The following HCN1 variants were observed in gnomAD, a reference collection of about 807,000 sequenced individuals.
The protein encoded by HCN1 is potassium/sodium hyperpolarization-activated cyclic nucleotide-gated channel 1.
In HCN1, 13 loss-of-function variants were observed where a neutral mutation model predicts 78.9. The ratio of observed to expected loss-of-function variants is 0.16; its 90% CI spans 0.11 to 0.26. The LOEUF is 0.26. HCN1 is among the 10% of genes least tolerant of loss of function. The pLI is 1.00. For synonymous variants in HCN1, 552 were observed against 455.5 expected (o/e 1.21, Z -2.70); for missense variants, 810 against 1,154.3 (o/e 0.70, Z 4.32).
chr5:45,377,294 ATACT>A (rs1747702390), intron 4 of HCN1, among the ~76,000 whole-genome samples: 1 of 152,064 alleles, frequency 6.6e-6, no homozygotes, highest in Non-Finnish European at 1.5e-5. Flanking sequence ...AGATTTCAAG[ATACT>A]TAATAAAATT....
intron 2 of HCN1, among the ~76,000 whole-genome samples, chr5:45,586,014 C>A (rs985446285): frequency 6.6e-6 from 1 of 152,170 alleles, no homozygotes; most frequent in African/African-American, 2.4e-5. Flanking sequence ...CTCAGATCTT[C>A]AGCTGCATGC....
intron 6 of HCN1, among the ~76,000 whole-genome samples, chr5:45,283,170 T>C (rs561135573): frequency 6.6e-6 from 1 of 152,264 alleles, no homozygotes; most frequent in Non-Finnish European, 1.5e-5. Flanking sequence ...GTATTTTCTA[T>C]CTTTAATCTT....
chr5:45,262,159 A>C lies in HCN1; in HGVS notation c.2435T>G (p.Leu812Arg). ...SRPHPTVGESLASIPQPVTAV... is the reference protein window; with the variant it reads ...SRPHPTVGESRASIPQPVTAV... Reference sequence around the variant, plus strand: ...CGTCACGGGTTGAGGGATGGAGGCCAGGGACTCGCCCACAGTGGGATGAGG... The same window carrying C: ...CGTCACGGGTTGAGGGATGGAGGCCCGGGACTCGCCCACAGTGGGATGAGG... The change falls in exon 8 of 8, where the codon CTG (leucine) becomes CGG (arginine). Residue 812 changes from leucine (L) to arginine (R), a missense_variant. By Grantham distance (102) the Leu-to-Arg change is moderately radical. Transcript: ENST00000303230. 1.9e-6 allele frequency: 3 copies of C among 1,613,902 alleles called. No individual in the cohort carries two copies. The highest frequency in any genetic ancestry group is 2.5e-6 in the Non-Finnish European group (3 of 1,179,946).
chr5:45,356,646 T>G (rs1747012554), intron 4 of HCN1, among the ~76,000 whole-genome samples: 1 of 152,006 alleles, frequency 6.6e-6, no homozygotes. Flanking sequence ...GCTGTGTCAC[T>G]AGTGTTAATT....
chr5:45,340,243 C>A (rs1746548417), intron 5 of HCN1, among the ~76,000 whole-genome samples: 1 of 152,114 alleles, frequency 6.6e-6, no homozygotes, highest in Non-Finnish European at 1.5e-5. Flanking sequence ...TAATAAAACA[C>A]ATGACACAGA....
At chr5:45,328,246 G>A (rs1746274582) in intron 5 of HCN1, among the ~76,000 whole-genome samples, 1 of 150,946 alleles carries the variant, frequency 6.6e-6, no homozygotes, top group Non-Finnish European at 1.5e-5. Context: ...CGGTGCCACA[G>A]CAAAACTAGC....
intron 2 of HCN1, chr5:45,479,983 T>G (rs561399121): frequency 6.5e-6 from 1 of 152,716 alleles, no homozygotes; most frequent in South Asian, 2.1e-4. Flanking sequence ...CAAAAACTTC[T>G]AATGACTTAC....
chr5:45,405,178 T>C (rs372821289), intron 3 of HCN1, among the ~76,000 whole-genome samples: 2 of 152,182 alleles, frequency 1.3e-5, no homozygotes, highest in African/African-American at 4.8e-5. Context: ...TTTATCAATT[T>C]TGGAAATGCC....
chr5:45,311,313 C>T (rs1745847856), intron 5 of HCN1, among the ~76,000 whole-genome samples: 1 of 152,074 alleles, frequency 6.6e-6, no homozygotes, highest in Admixed American at 6.5e-5. Context: ...TATATAGCAT[C>T]AATATGGTTT....
intron 2 of HCN1, among the ~76,000 whole-genome samples, chr5:45,595,153 A>G (rs1744460863): frequency 6.6e-6 from 1 of 152,206 alleles, no homozygotes; most frequent in African/African-American, 2.4e-5. Flanking sequence ...ACAGTGTATA[A>G]ACTTCTAAAA....
intron 2 of HCN1, among the ~76,000 whole-genome samples, chr5:45,462,283 GT>G (rs1279124783): frequency 6.6e-6 from 1 of 151,988 alleles, no homozygotes; most frequent in African/African-American, 2.4e-5. Flanking sequence ...GTTGCCAGAA[GT>G]TTTTATTTAT....
chr5:45,471,424 TATC>T (rs1741386490), intron 2 of HCN1, among the ~76,000 whole-genome samples: 1 of 151,974 alleles, frequency 6.6e-6, no homozygotes, highest in African/African-American at 2.4e-5. Context: ...AGTTGTAGCA[TATC>T]TCCGAATGTG....
Position 45,255,488 on chromosome 5 carries a change from T to A in HCN1, c.*6433A>T, listed in dbSNP as rs775216767. 1 of 152,244 alleles carries A rather than the reference T, an allele frequency of 6.6e-6. No individual in the cohort carries two copies. Among genetic ancestry groups the A allele is most frequent in the Admixed American group, 6.5e-5 (1 of 15,286 alleles). 9.4% of individuals were successfully genotyped at this position (152,244 alleles called of 1,614,324 possible). On this transcript the variant is annotated 3_prime_UTR_variant, in exon 8 of 8. Coordinates refer to ENST00000303230, the MANE Select transcript of HCN1 (RefSeq NM_021072.4). The stretch of plus-strand genomic sequence containing the variant: ...AAGGACTCTGCACTTCTTGTAATTA[T>A]ACTTCTGGGTGATACTGACGCTGCA...
chr5:45,465,375 A>G (rs926102031), intron 2 of HCN1, among the ~76,000 whole-genome samples: 4 of 152,150 alleles, frequency 2.6e-5, no homozygotes, highest in African/African-American at 9.7e-5. Flanking sequence ...GGTAACAGAA[A>G]GAAAGGCTCT....
chr5:45,347,050 G>A (rs1421753173), intron 5 of HCN1, among the ~76,000 whole-genome samples: 1 of 152,212 alleles, frequency 6.6e-6, no homozygotes, highest in East Asian at 1.9e-4. Flanking sequence ...CTGAGAACAG[G>A]CAGACTGCCT....
intron 2 of HCN1, among the ~76,000 whole-genome samples, chr5:45,520,996 T>G (rs984602737): frequency 1.3e-5 from 2 of 151,908 alleles, no homozygotes; most frequent in Non-Finnish European, 2.9e-5. Flanking sequence ...GAGGTTTTTT[T>G]TTTTGTTTTT....
chr5:45,322,748 G>A (rs1746148632), intron 5 of HCN1, among the ~76,000 whole-genome samples: 1 of 151,802 alleles, frequency 6.6e-6, no homozygotes, highest in South Asian at 2.1e-4. Context: ...AGATATTAGA[G>A]TATTTAGAAG....
intron 1 of HCN1, among the ~76,000 whole-genome samples, chr5:45,658,451 C>T (rs1225531375): frequency 6.6e-6 from 1 of 152,046 alleles, no homozygotes; most frequent in African/African-American, 2.4e-5. Context: ...GGGGGAGGAG[C>T]CAAGATGGCC....
rs554943007 is a variant in HCN1, at chr5:45,524,555, C to T, written c.850-62548G>A. 1.6e-4 allele frequency among the ~76,000 whole-genome samples: 24 copies of T among 152,188 alleles called. No homozygotes were observed. In the South Asian group the frequency reaches 2.5e-3, roughly 16 times the overall value. On this transcript the variant is annotated intron_variant, in intron 2 of 7. Coordinates refer to ENST00000303230, the MANE Select transcript of HCN1 (RefSeq NM_021072.4). The stretch of plus-strand genomic sequence containing the variant: ...CATTGAGCAGTGGTTTGTAGTTCTC[C>T]TTGAAGAGGTCCTTCATGTCCCTTG...
Sources: gnomAD v4.1 joint callset for allele counts (sites outside exome capture counted in the v4.1 genomes callset) on GRCh38, gnomAD v4.1.1 for gene constraint, MANE v1.5 for transcripts, NCBI Gene and HGNC (gene_info 2026-07-23, HGNC 2026-07-21) for gene names.